Variants in ZDHHC3 observed in about 807,000 individuals in gnomAD.
ZDHHC3 encodes zDHHC palmitoyltransferase 3.
ZDHHC3 carries 9 observed loss-of-function variants against 30.6 expected under a neutral mutation model. The observed-to-expected ratio is 0.29, with a 90% CI of 0.18 to 0.51. The LOEUF (loss-of-function observed/expected upper bound fraction) is 0.51, where lower values mean the gene tolerates loss of function less well. Ranked by LOEUF, ZDHHC3 falls within the 20% of genes least tolerant of loss-of-function variation. The probability of loss-of-function intolerance (pLI) is 0.97; values close to 1 mark genes in which losing one functional copy is unlikely to be tolerated. For missense variants in ZDHHC3, 246 were observed against 384.2 expected (o/e 0.64, Z 3.01); for synonymous variants, 136 against 140.2 (o/e 0.97, Z 0.21).
intron 3 of ZDHHC3, chr3:44,937,908 T>C: frequency 2.0e-6 from 1 of 490,630 alleles, no homozygotes; most frequent in Admixed American, 2.1e-5. Flanking sequence ...ACCTTCTGCC[T>C]CTGCCCTGAT....
chr3:44,921,010 C>G lies in ZDHHC3; in HGVS notation c.*5679G>C. The G allele has an allele frequency of 1.0e-6, 1 of 985,408 alleles. No individual in the cohort carries two copies. The highest frequency in any genetic ancestry group is 1.2e-6 in the Non-Finnish European group (1 of 829,934). The allele number at this position is 985,408 out of a possible 1,614,324, so 61.0% of individuals were successfully genotyped here. On this transcript the variant is annotated 3_prime_UTR_variant, in exon 7 of 7. Transcript: ENST00000424952. ...GGATCCTGCAGGCAAAGTTCTTAAG[C>G]TTGAGGTTTGCAGAGGAGCAGTAAT...
Position 44,922,840 on chromosome 3 carries a change from C to T in ZDHHC3, c.*3849G>A. On this transcript the variant is annotated 3_prime_UTR_variant, in exon 7 of 7. Transcript: ENST00000424952. The stretch of plus-strand genomic sequence containing the variant: ...GTTGCTGGTCTGGCAACCTCAAGAA[C>T]ACCTTTGAGGAGGATTCTAGCAAAA... The T allele has an allele frequency of 1.0e-6, 1 of 985,326 alleles. No homozygotes were observed. The highest frequency in any genetic ancestry group is 1.2e-6 in the Non-Finnish European group (1 of 829,922). 61.0% of individuals were successfully genotyped at this position (985,326 alleles called of 1,614,324 possible). A position where few individuals can be genotyped will look rare whatever the true frequency, so the allele number is the denominator to read the frequency against.
intron 1 of ZDHHC3, among the ~76,000 whole-genome samples, chr3:44,967,500 A>T (rs1223880401): frequency 5.3e-5 from 8 of 152,150 alleles, no homozygotes; most frequent in African/African-American, 1.9e-4. Context: ...CCTGGCCAAC[A>T]TAGTGAGACC....
intron 1 of ZDHHC3, among the ~76,000 whole-genome samples, chr3:44,960,344 G>A (rs942874047): frequency 6.6e-6 from 1 of 152,210 alleles, no homozygotes; most frequent in African/African-American, 2.4e-5. Flanking sequence ...GGAGGAGCTT[G>A]TGACGAATGA....
In ZDHHC3 at chr3:44,924,377, A is replaced by T; in HGVS notation, c.*2312T>A. 2.5e-5 allele frequency: 25 copies of T among 985,472 alleles called. No individual in the cohort carries two copies. The highest frequency in any genetic ancestry group is 3.0e-5 in the Non-Finnish European group (25 of 829,942). 61.0% of individuals were successfully genotyped at this position (985,472 alleles called of 1,614,324 possible). ...AAAATGAAATAGGAAAAATGCCAGGAACCTTGGGGTATTCCTATCTTCTGA... is the reference window on the plus strand; with the variant it reads ...AAAATGAAATAGGAAAAATGCCAGGTACCTTGGGGTATTCCTATCTTCTGA... On this transcript the variant is annotated 3_prime_UTR_variant, in exon 7 of 7. Coordinates refer to ENST00000424952, the MANE Select transcript of ZDHHC3 (RefSeq NM_001135179.2).
chr3:44,971,673 A>G (rs1022642829), intron 1 of ZDHHC3, among the ~76,000 whole-genome samples: 6 of 152,176 alleles, frequency 3.9e-5, no homozygotes, highest in African/African-American at 1.4e-4. Flanking sequence ...ATATGCCCTA[A>G]TGAGACATAG....
intron 6 of ZDHHC3, among the ~76,000 whole-genome samples, chr3:44,927,801 G>C (rs1470647180): frequency 6.6e-6 from 1 of 152,232 alleles, no homozygotes; most frequent in Non-Finnish European, 1.5e-5. Context: ...CAGAAGCCTG[G>C]CCAGGGGTCT....
intron 2 of ZDHHC3, among the ~76,000 whole-genome samples, chr3:44,954,070 T>G (rs922559329): frequency 1.3e-5 from 2 of 152,130 alleles, no homozygotes; most frequent in Non-Finnish European, 1.5e-5. Flanking sequence ...ACCAATTGCA[T>G]GTTTGAAGTG....
At chr3:44,967,221 C>G (rs914607035) in intron 1 of ZDHHC3, among the ~76,000 whole-genome samples, 4 of 152,228 alleles carry the variant, frequency 2.6e-5, no homozygotes, top group Admixed American at 2.0e-4. Flanking sequence ...CACCTTCTTA[C>G]AAAACCCATT....
In ZDHHC3 at chr3:44,925,645, C is replaced by T. The variant is rs1575770810; in HGVS notation, c.*1044G>A. 6.1e-6 allele frequency: 6 copies of T among 985,342 alleles called. No homozygotes were observed. In the South Asian group the frequency reaches 2.3e-4, roughly 39 times the overall value. The allele number at this position is 985,342 out of a possible 1,614,324, so 61.0% of individuals were successfully genotyped here. ...GAGGTAACCCCAGCATCATGGTCAT[C>T]TCCATGCCAGGACAACAGTCTCCCA... is the stretch of plus-strand genomic sequence containing the variant. On this transcript the variant is annotated 3_prime_UTR_variant, in exon 7 of 7. Transcript: ENST00000424952.
Position 44,918,233 on chromosome 3 carries a change from C to CA in ZDHHC3, c.*8455_*8456insT, listed in dbSNP as rs1228047550. 5 of 1,153,012 alleles carry CA rather than the reference C, an allele frequency of 4.3e-6. No individual in the cohort carries two copies. Among genetic ancestry groups the CA allele is most frequent in the African/African-American group, 3.3e-5 (2 of 60,826 alleles). The allele number at this position is 1,153,012 out of a possible 1,614,324, so 71.4% of individuals were successfully genotyped here. A position where few individuals can be genotyped will look rare whatever the true frequency, so the allele number is the denominator to read the frequency against. On this transcript the variant is annotated 3_prime_UTR_variant, in exon 7 of 7. Coordinates refer to ENST00000424952, the MANE Select transcript of ZDHHC3 (RefSeq NM_001135179.2). ...ACCCCCAGCTATAGCATAGCAGTGG[C>CA]GGGGGGGGGGGCGGGGTGTCCACGG... is the stretch of plus-strand genomic sequence containing the variant.
chr3:44,961,496 A>G (rs1338450273), intron 1 of ZDHHC3, among the ~76,000 whole-genome samples: 1 of 152,214 alleles, frequency 6.6e-6, no homozygotes, highest in African/African-American at 2.4e-5. Flanking sequence ...TATCCAGAGG[A>G]CAGTGGCAAT....
chr3:44,964,574 G>A (rs541258577), intron 1 of ZDHHC3, among the ~76,000 whole-genome samples: 6 of 152,210 alleles, frequency 3.9e-5, no homozygotes, highest in Admixed American at 6.5e-5. Flanking sequence ...AAAGGTACTG[G>A]TGAGCCATAA....
rs1282546307 is a variant in ZDHHC3, at chr3:44,920,095, A to C, written c.*6594T>G. On this transcript the variant is annotated 3_prime_UTR_variant, in exon 7 of 7. Transcript: ENST00000424952. The stretch of plus-strand genomic sequence containing the variant: ...ATTTATTTCTGTAGACTTCTCACAC[A>C]ATCCAAGTTTTACCAATGAGCCAAT... 4.6e-5 allele frequency: 56 copies of C among 1,205,626 alleles called. No homozygotes were observed. Among genetic ancestry groups the C allele is most frequent in the Non-Finnish European group, 5.6e-5 (53 of 945,440 alleles). The allele number at this position is 1,205,626 out of a possible 1,614,324, so 74.7% of individuals were successfully genotyped here.
Position 44,925,835 on chromosome 3 carries a change from A to T in ZDHHC3, c.*854T>A. The T allele has an allele frequency of 1.0e-6, 1 of 985,882 alleles. No homozygotes were observed. Among genetic ancestry groups the T allele is most frequent in the Non-Finnish European group, 1.2e-6 (1 of 829,934 alleles). The allele number at this position is 985,882 out of a possible 1,614,324, so 61.1% of individuals were successfully genotyped here. A position where few individuals can be genotyped will look rare whatever the true frequency, so the allele number is the denominator to read the frequency against. ...TCAGAATTCACACTGCTTAATTGAC[A>T]TCTTGCTGGGGAAGAGAGGGAGATG... is the stretch of plus-strand genomic sequence containing the variant. On this transcript the variant is annotated 3_prime_UTR_variant, in exon 7 of 7. Transcript: ENST00000424952.
chr3:44,958,652 C>T, intron 2 of ZDHHC3: 1 of 1,536,136 alleles, frequency 6.5e-7, no homozygotes, highest in Non-Finnish European at 8.7e-7. Flanking sequence ...TGCACCTCGC[C>T]CAAGCAAAGT....
rs911496582 is a variant in ZDHHC3 at position 44,921,659 on chromosome 3, T to C, written c.*5030A>G. ...CGCTATACATTCCTATTCATCACCC[T>C]CATTTAATCCTTCCATTAACTTTGT... On this transcript the variant is annotated 3_prime_UTR_variant, in exon 7 of 7. Coordinates refer to ENST00000424952, the MANE Select transcript of ZDHHC3 (RefSeq NM_001135179.2). The C allele has an allele frequency of 4.1e-6, 4 of 972,060 alleles. No individual in the cohort carries two copies. Among genetic ancestry groups the C allele is most frequent in the South Asian group, 9.5e-5 (2 of 21,004 alleles). The allele number at this position is 972,060 out of a possible 1,614,324, so 60.2% of individuals were successfully genotyped here.
chr3:44,958,673 T>C, intron 2 of ZDHHC3: 1 of 1,536,176 alleles, frequency 6.5e-7, no homozygotes, highest in Non-Finnish European at 8.7e-7. Context: ...GAAGGCCATT[T>C]CCGTGCAGGT....
chr3:44,958,566 T>G, intron 2 of ZDHHC3: 1 of 1,534,886 alleles, frequency 6.5e-7, no homozygotes, highest in Non-Finnish European at 8.7e-7. Context: ...AGAACACTAC[T>G]GCTTTACCCA....
Sources: gnomAD v4.1 joint callset for allele counts (sites outside exome capture counted in the v4.1 genomes callset) on GRCh38, gnomAD v4.1.1 for gene constraint, MANE v1.5 for transcripts, NCBI Gene and HGNC (gene_info 2026-07-23, HGNC 2026-07-21) for gene names.